COL11A1: variants seen among roughly 807,000 people sequenced by gnomAD.
The protein encoded by COL11A1 is collagen alpha-1(XI) chain.
In COL11A1, 74 loss-of-function variants were observed where a neutral mutation model predicts 265.2. That is an observed-to-expected ratio of 0.28 (90% CI 0.23 to 0.34). COL11A1 has a LOEUF of 0.34. Among genes scored for constraint, COL11A1 ranks in the 10% least tolerant of loss-of-function variants. The pLI is 1.00. For synonymous variants in COL11A1, 816 were observed against 727.6 expected, an observed-to-expected ratio of 1.12 and a Z score of -1.96; for missense variants, 2,165 against 2,263.6, an observed-to-expected ratio of 0.96 and a Z score of 0.88.
At chr1:103,031,849 T>A (rs1422306852) in intron 4 of COL11A1, among the ~76,000 whole-genome samples, 5 of 147,998 alleles carry the variant, frequency 3.4e-5, no homozygotes, top group Non-Finnish European at 7.4e-5. Context: ...GCATTTATAT[T>A]AAGAAAAAAA....
chr1:103,060,647 T>G (rs1670601672), intron 4 of COL11A1, among the ~76,000 whole-genome samples: 1 of 152,136 alleles, frequency 6.6e-6, no homozygotes, highest in South Asian at 2.1e-4. Context: ...AAAAGTTGAC[T>G]TGGAATAGGT....
intron 4 of COL11A1, among the ~76,000 whole-genome samples, chr1:103,051,410 G>A (rs112363485): frequency 0.024 from 3,598 of 152,286 alleles, 156 homozygotes; most frequent in African/African-American, 0.082. Flanking sequence ...AGCCATGTGC[G>A]GGATATAATC....
intron 4 of COL11A1, among the ~76,000 whole-genome samples, chr1:103,051,323 C>T (rs564893534): frequency 2.6e-4 from 39 of 152,288 alleles, no homozygotes; most frequent in East Asian, 7.7e-4. Flanking sequence ...CCCCCAGCCT[C>T]GCTGCCACCT....
intron 5 of COL11A1, among the ~76,000 whole-genome samples, chr1:103,028,089 G>A (rs920672022): frequency 7.9e-5 from 12 of 152,092 alleles, no homozygotes; most frequent in African/African-American, 2.9e-4. Context: ...GAGTGCAAGT[G>A]GCATGATCTC....
At chr1:102,970,726 C>T (rs1661887852) in intron 36 of COL11A1, among the ~76,000 whole-genome samples, 3 of 151,864 alleles carry the variant, frequency 2.0e-5, no homozygotes, top group African/African-American at 7.3e-5. Flanking sequence ...GACAAGAAGG[C>T]AAAAGAAGGC....
intron 1 of COL11A1, among the ~76,000 whole-genome samples, chr1:103,101,036 C>T (rs10493987): frequency 0.066 from 10,073 of 151,988 alleles, 485 homozygotes; most frequent in African/African-American, 0.13. Flanking sequence ...TGATATTTTA[C>T]TTAAATTTCG....
Position 103,060,477 on chromosome 1 carries a change from T to C in COL11A1, c.651+14141A>G, listed in dbSNP as rs189043444. On this transcript the variant is annotated intron_variant, in intron 4 of 66. Transcript: ENST00000370096. ...ATTATTAATTGATCTAAGGTATGAG[T>C]TTTTTCAAAATAATAATAGCAATAA... 2.6e-4 allele frequency among the ~76,000 whole-genome samples: 39 copies of C among 151,998 alleles called. No individual in the cohort carries two copies. The East Asian group carries it at 7.3e-3, about 29-fold the overall frequency.
At chr1:102,976,518 C>T (rs1042783822) in intron 35 of COL11A1, among the ~76,000 whole-genome samples, 4 of 151,754 alleles carry the variant, frequency 2.6e-5, no homozygotes, top group South Asian at 2.1e-4. Flanking sequence ...AGGCTGGTCT[C>T]GAACTCCTGA....
rs574567601 is a variant in COL11A1 at position 102,959,849 on chromosome 1, T to C, written c.3168+2017A>G. On this transcript the variant is annotated intron_variant, in intron 41 of 66. Coordinates refer to ENST00000370096, the MANE Select transcript of COL11A1 (RefSeq NM_001854.4). ...CCCTTGAGAGAGCTTCAGTGCTTGG[T>C]TCCTAAAAAATAACTTAAAACAATT... Among the ~76,000 whole-genome samples, 119 of 152,284 alleles carry C rather than the reference T, an allele frequency of 7.8e-4. 4 individuals carry two copies. In the South Asian group the frequency reaches 0.024, roughly 31 times the overall value.
Position 103,105,464 on chromosome 1 carries a change from T to G in COL11A1, c.106+2609A>C, listed in dbSNP as rs532530065. Among the ~76,000 whole-genome samples the G allele has an allele frequency of 5.3e-4, 81 of 152,272 alleles. 3 individuals carry two copies. In the South Asian group the frequency reaches 0.016, roughly 30 times the overall value. The stretch of plus-strand genomic sequence containing the variant: ...ACTAGGTATGAAGTCATAAATTTTC[T>G]TTAATCCATTCACTTCCAAGAAATT... On this transcript the variant is annotated intron_variant, in intron 1 of 66. Transcript: ENST00000370096.
chr1:102,954,602 T>C (rs1435395166), intron 41 of COL11A1, among the ~76,000 whole-genome samples: 4 of 152,172 alleles, frequency 2.6e-5, no homozygotes, highest in East Asian at 1.9e-4. Flanking sequence ...CCCAACACTT[T>C]GGGAGGCCGA....
chr1:103,105,895 T>G (rs192714189), intron 1 of COL11A1, among the ~76,000 whole-genome samples: 29 of 152,200 alleles, frequency 1.9e-4, no homozygotes, highest in African/African-American at 7.0e-4. Flanking sequence ...CCAGGAAAAA[T>G]GAGCACTAAA....
At chr1:103,077,871 C>T (rs1672098549) in intron 3 of COL11A1, among the ~76,000 whole-genome samples, 1 of 152,052 alleles carries the variant, frequency 6.6e-6, no homozygotes, top group Non-Finnish European at 1.5e-5. Flanking sequence ...AGGCAAATTA[C>T]TTAAACTCTC....
chr1:103,003,897 C>G (rs1665360220), intron 20 of COL11A1, among the ~76,000 whole-genome samples: 1 of 152,030 alleles, frequency 6.6e-6, no homozygotes, highest in African/African-American at 2.4e-5. Flanking sequence ...CTTGAACTTA[C>G]TTGACAAGGA....
At chr1:103,080,619 G>C (rs970780568) in intron 2 of COL11A1, among the ~76,000 whole-genome samples, 6 of 151,738 alleles carry the variant, frequency 4.0e-5, no homozygotes, top group Non-Finnish European at 7.4e-5. Flanking sequence ...ACTGCAATGA[G>C]CTATTACCCC....
chr1:103,081,034 C>G (rs1204160445), intron 2 of COL11A1, among the ~76,000 whole-genome samples: 1 of 151,826 alleles, frequency 6.6e-6, no homozygotes, highest in Admixed American at 6.6e-5. Context: ...TCCTACTTGC[C>G]CTTCCCATCC....
At chr1:102,959,189 C>G (rs1319887943) in intron 41 of COL11A1, among the ~76,000 whole-genome samples, 1 of 152,178 alleles carries the variant, frequency 6.6e-6, no homozygotes, top group East Asian at 1.9e-4. Flanking sequence ...TCCACTTGTT[C>G]TGTACATTTC....
At chr1:103,026,432 G>C (rs1667525063) in intron 5 of COL11A1, 100 bp from the exon 6 acceptor site, 2 of 805,562 alleles carry the variant, frequency 2.5e-6, no homozygotes, top group Non-Finnish European at 2.2e-6. Context: ...TAAATGTTAA[G>C]AGATAAGAAA....
At chr1:102,976,294 T>G (rs1241900737) in intron 35 of COL11A1, among the ~76,000 whole-genome samples, 1 of 52,328 alleles carries the variant, frequency 1.9e-5, no homozygotes, top group Non-Finnish European at 3.4e-5. Context: ...GTTGGCTTTT[T>G]TTTTTTTTTT....
Sources: allele counts gnomAD v4.1 joint callset (sites outside exome capture counted in the v4.1 genomes callset), GRCh38; gene constraint gnomAD v4.1.1; transcripts MANE v1.5; gene names NCBI Gene and HGNC (gene_info 2026-07-23, HGNC 2026-07-21).